Variants in TTC28 observed in about 807,000 individuals in gnomAD.
TTC28 encodes tetratricopeptide repeat protein 28.
In TTC28, 61 loss-of-function variants were observed where a neutral mutation model predicts 198.0. The observed-to-expected ratio is 0.31, with a 90% CI of 0.25 to 0.38. TTC28 has a LOEUF of 0.38. TTC28 is among the 10% of genes least tolerant of loss of function. TTC28 has a pLI of 1.00. For missense variants in TTC28, 2,678 were observed against 3,164.0 expected (o/e 0.85, Z 3.69); for synonymous variants, 1,171 against 1,297.8 (o/e 0.90, Z 2.10).
intron 12 of TTC28, among the ~76,000 whole-genome samples, chr22:28,032,235 AATATATATATATAAAATAT>A (rs1569094919): frequency 8.3e-6 from 1 of 120,106 alleles, no homozygotes. Context: ...ATATATATAA[AATATATATATATAAAATAT>A]ATATATATAT....
At position 28,027,222 on chromosome 22, in the gene TTC28, G is replaced by A. The variant is rs891321167; in HGVS notation, c.4073+3004C>T. 9.9e-5 allele frequency among the ~76,000 whole-genome samples: 15 copies of A among 152,228 alleles called. No individual in the cohort carries two copies. In the East Asian group the frequency reaches 2.1e-3, roughly 22 times the overall value. On this transcript the variant is annotated intron_variant, in intron 13 of 22. Transcript: ENST00000397906. Reference sequence around the variant, plus strand: ...ATGTGCTGGCCTACCAGTCCTCCGCGTCACTCCCAAAGGGTAGGGCTGCTG... The same window carrying A: ...ATGTGCTGGCCTACCAGTCCTCCGCATCACTCCCAAAGGGTAGGGCTGCTG...
chr22:28,656,001 G>T (rs1296254857), intron 1 of TTC28, among the ~76,000 whole-genome samples: 2 of 152,172 alleles, frequency 1.3e-5, no homozygotes, highest in Non-Finnish European at 2.9e-5. Flanking sequence ...TATTTGAACA[G>T]ATAAAATGTA....
At chr22:28,564,594 C>T (rs1227272717) in intron 2 of TTC28, among the ~76,000 whole-genome samples, 5 of 151,788 alleles carry the variant, frequency 3.3e-5, no homozygotes, top group South Asian at 4.1e-4. Flanking sequence ...TGGTTTTCCA[C>T]CCCACTCTGA....
intron 11 of TTC28, among the ~76,000 whole-genome samples, 168 bp downstream of exon 11, chr22:28,096,022 T>C (rs1941960077): frequency 6.6e-6 from 1 of 152,216 alleles, no homozygotes; most frequent in Admixed American, 6.5e-5. Flanking sequence ...GGCTGTCTTA[T>C]TATCTGAATG....
chr22:28,283,325 TACACAC>T (rs35766225), intron 5 of TTC28, among the ~76,000 whole-genome samples: 3,485 of 149,614 alleles, frequency 0.023, 58 homozygotes, highest in South Asian at 0.04. Context: ...CTTTCTCTCT[TACACAC>T]ACACACACAC....
At chr22:28,485,169 A>T (rs1191112140) in intron 2 of TTC28, among the ~76,000 whole-genome samples, 1 of 152,220 alleles carries the variant, frequency 6.6e-6, no homozygotes, top group African/African-American at 2.4e-5. Context: ...TAATTCTAAA[A>T]CCTAGTTTGA....
intron 2 of TTC28, among the ~76,000 whole-genome samples, chr22:28,494,162 A>C (rs1293566829): frequency 6.6e-6 from 1 of 152,212 alleles, no homozygotes; most frequent in Admixed American, 6.5e-5. Context: ...ACATATTGAA[A>C]TGTTTATGAA....
chr22:28,003,535 G>A (rs554202040), intron 14 of TTC28, among the ~76,000 whole-genome samples: 1 of 152,252 alleles, frequency 6.6e-6, no homozygotes, highest in South Asian at 2.1e-4. Context: ...TGCTGCCTAA[G>A]CCCAAACCAC....
At chr22:28,047,439 G>A (rs1486099924) in intron 12 of TTC28, among the ~76,000 whole-genome samples, 1 of 152,196 alleles carries the variant, frequency 6.6e-6, no homozygotes, top group Admixed American at 6.5e-5. Flanking sequence ...CACCTGGAGA[G>A]GCCATAGAAG....
chr22:28,381,004 G>A (rs1316128364), intron 2 of TTC28, among the ~76,000 whole-genome samples: 1 of 151,942 alleles, frequency 6.6e-6, no homozygotes. Context: ...CTACAGGAAG[G>A]GGCGGTATTC....
At chr22:28,209,685 G>A (rs190413913) in intron 5 of TTC28, among the ~76,000 whole-genome samples, 3 of 152,330 alleles carry the variant, frequency 2.0e-5, no homozygotes, top group Non-Finnish European at 2.9e-5. Context: ...AGGCCTGCCT[G>A]CCTCTGCAGA....
intron 2 of TTC28, among the ~76,000 whole-genome samples, chr22:28,559,199 T>C (rs1197271804): frequency 6.6e-6 from 1 of 152,186 alleles, no homozygotes; most frequent in Non-Finnish European, 1.5e-5. Context: ...ATCCATATGC[T>C]TAGAAACAGT....
chr22:28,572,448 T>A (rs1294859140), intron 2 of TTC28, among the ~76,000 whole-genome samples: 1 of 152,218 alleles, frequency 6.6e-6, no homozygotes, highest in Non-Finnish European at 1.5e-5. Context: ...AGTTGAATTC[T>A]ATAAAGGATT....
chr22:28,053,693 A>C (rs1286111607), intron 12 of TTC28, among the ~76,000 whole-genome samples: 1 of 152,194 alleles, frequency 6.6e-6, no homozygotes, highest in Non-Finnish European at 1.5e-5. Flanking sequence ...CTTTGACTGC[A>C]CATATTCCAG....
At chr22:28,042,710 T>C (rs1451299674) in intron 12 of TTC28, among the ~76,000 whole-genome samples, 1 of 150,114 alleles carries the variant, frequency 6.7e-6, no homozygotes, top group Non-Finnish European at 1.5e-5. Context: ...ACATGTACCC[T>C]AGAACTTAAA....
chr22:28,163,053 G>A (rs1601408651), intron 6 of TTC28, 39 bp downstream of exon 6: 1 of 1,498,156 alleles, frequency 6.7e-7, no homozygotes, highest in Non-Finnish European at 8.9e-7. Context: ...TCCAGCTCAT[G>A]ACTTTGACCT....
At chr22:28,253,022 T>G (rs1280421032) in intron 5 of TTC28, among the ~76,000 whole-genome samples, 1 of 152,186 alleles carries the variant, frequency 6.6e-6, no homozygotes, top group Non-Finnish European at 1.5e-5. Context: ...ATAGAAAGGT[T>G]ACACAGATAT....
rs1363808873 is a variant in TTC28 at position 28,030,348 on chromosome 22, C to T, written c.3951G>A (p.Glu1317=). Residue 1317 remains glutamate, a synonymous_variant, in exon 13 of 23, where the codon GAG becomes GAA. Transcript: ENST00000397906. ...TGATGTCTCCCGCTTCACTCTCTGT[C>T]TCACTGCTGGCACAGGCCCTGCAGG... The part of the protein sequence containing the change: ...SHYSRACASS[E]TESEAGDIMD... 1 of 1,551,906 alleles carries T rather than the reference C, an allele frequency of 6.4e-7. No individual in the cohort carries two copies. Among genetic ancestry groups the T allele is most frequent in the Non-Finnish European group, 8.7e-7 (1 of 1,147,040 alleles).
At chr22:28,047,912 A>G (rs1341403793) in intron 12 of TTC28, among the ~76,000 whole-genome samples, 1 of 152,118 alleles carries the variant, frequency 6.6e-6, no homozygotes, top group Non-Finnish European at 1.5e-5. Context: ...GAAGGAAGGG[A>G]GGCAACCTTG....
Sources: allele counts gnomAD v4.1 joint callset (sites outside exome capture counted in the v4.1 genomes callset), GRCh38; gene constraint gnomAD v4.1.1; transcripts MANE v1.5; gene names NCBI Gene and HGNC (gene_info 2026-07-23, HGNC 2026-07-21).